SLC39A14: variants seen among roughly 807,000 people sequenced by gnomAD.
The protein encoded by SLC39A14 is metal cation symporter ZIP14.
SLC39A14 carries 19 observed loss-of-function variants against 45.5 expected under a neutral mutation model. The observed-to-expected ratio is 0.42, with a 90% confidence interval of 0.29 to 0.61. SLC39A14 has a LOEUF of 0.61. Ranked by LOEUF, SLC39A14 falls within the 20% of genes least tolerant of loss-of-function variation. The pLI is 0.22. For missense variants in SLC39A14, 447 were observed against 616.5 expected, an observed-to-expected ratio of 0.73 and a Z score of 2.91; for synonymous variants, 264 against 251.3, an observed-to-expected ratio of 1.05 and a Z score of -0.48.
chr8:22,374,481 C>T (rs35160235), intron 1 of SLC39A14, among the ~76,000 whole-genome samples: 4,787 of 152,076 alleles, frequency 0.031, 102 homozygotes, highest in Non-Finnish European at 0.044. Context: ...GACTGAGCCA[C>T]ATCTTGAAAG....
intron 7 of SLC39A14, 77 bp downstream of exon 7, chr8:22,416,357 C>T: frequency 3.4e-6 from 4 of 1,190,598 alleles, no homozygotes; most frequent in South Asian, 2.5e-5. Flanking sequence ...CGGTTCCTTG[C>T]TCCCATCTCC....
rs545570583 is a variant in SLC39A14 at position 22,412,548 on chromosome 8, C to T, written c.627+342C>T. ...CTGCTGCAGCACTGAGTGCCTGGTG[C>T]GGAAAGTGCTGTCTGATGTGGGGTG... is the stretch of plus-strand genomic sequence containing the variant. On this transcript the variant is annotated intron_variant, in intron 4 of 8. Coordinates refer to ENST00000381237, the MANE Select transcript of SLC39A14 (RefSeq NM_001128431.4). Among the ~76,000 whole-genome samples, 16 of 152,264 alleles carry T rather than the reference C, an allele frequency of 1.1e-4. No homozygotes were observed. In the East Asian group the frequency reaches 1.7e-3, roughly 17 times the overall value.
chr8:22,374,706 C>A (rs1367573431), intron 1 of SLC39A14, among the ~76,000 whole-genome samples: 1 of 150,648 alleles, frequency 6.6e-6, no homozygotes. Flanking sequence ...TTGCCAGCAG[C>A]CCTCTGTCTT....
Position 22,419,527 on chromosome 8 carries a change from G to GTGT in SLC39A14, c.1333-20_1333-18dup, listed in dbSNP as rs1305996831. ...ACAAGATGAAGAAGGAATTGCAGCT[G>GTGT]TGTTGTTTCTTGCTTCTTTCCCAGT... On this transcript the variant is annotated intron_variant, in intron 8 of 8. Coordinates refer to ENST00000381237, the MANE Select transcript of SLC39A14 (RefSeq NM_001128431.4). The GTGT allele has an allele frequency of 1.9e-6, 3 of 1,600,090 alleles. No homozygotes were observed. In the African/African-American group the frequency reaches 4.0e-5, roughly 21 times the overall value.
intron 7 of SLC39A14, 78 bp from the exon 8 acceptor site, chr8:22,417,573 G>C: frequency 1.6e-6 from 2 of 1,237,428 alleles, no homozygotes; most frequent in Non-Finnish European, 2.3e-6. Context: ...TGAGTAGCTG[G>C]GATGACAGGT....
intron 1 of SLC39A14, among the ~76,000 whole-genome samples, chr8:22,381,327 T>G (rs1430034477): frequency 6.8e-6 from 1 of 147,622 alleles, no homozygotes; most frequent in African/African-American, 2.5e-5. Context: ...CAGACTGGAG[T>G]GCGGTGGGGC....
chr8:22,403,338 GGC>G (rs1224848309), intron 1 of SLC39A14, among the ~76,000 whole-genome samples: 3 of 151,260 alleles, frequency 2.0e-5, no homozygotes, highest in African/African-American at 7.3e-5. Context: ...GGAGTGCAAT[GGC>G]GCGATCTTGG....
chr8:22,404,301 C>T (rs1240942995), intron 1 of SLC39A14, among the ~76,000 whole-genome samples: 2 of 151,718 alleles, frequency 1.3e-5, no homozygotes, highest in Non-Finnish European at 2.9e-5. Context: ...TGGCGGGCCC[C>T]TGTAATACCA....
At position 22,412,036 on chromosome 8, in the gene SLC39A14, G is replaced by T; in HGVS notation, c.458-1G>T. The T allele has an allele frequency of 6.4e-7, 1 of 1,550,490 alleles. No individual in the cohort carries two copies. Among genetic ancestry groups the T allele is most frequent in the Non-Finnish European group, 8.7e-7 (1 of 1,146,870 alleles). On this transcript the variant is annotated splice_acceptor_variant, in intron 3 of 8. Coordinates refer to ENST00000381237, the MANE Select transcript of SLC39A14 (RefSeq NM_001128431.4). LOFTEE classifies it high-confidence loss of function. The stretch of plus-strand genomic sequence containing the variant: ...GGGCTGGCCCTCCCTCCGCACGGCA[G>T]TGTGGGGATACGGTCTCCTCTGTGT...
chr8:22,385,137 C>T (rs1383067618), intron 1 of SLC39A14, among the ~76,000 whole-genome samples: 1 of 152,200 alleles, frequency 6.6e-6, no homozygotes, highest in East Asian at 1.9e-4. Context: ...AGGCCAGCTT[C>T]TCTGGCTCTC....
chr8:22,433,544 T>A (rs1411550429), intron 8 of SLC39A14, among the ~76,000 whole-genome samples: 1 of 146,026 alleles, frequency 6.8e-6, no homozygotes, highest in Non-Finnish European at 1.5e-5. Flanking sequence ...TTTATGCTTT[T>A]TTTTTTTTTT....
chr8:22,424,575 A>G (rs1047715525), downstream of SLC39A14, among the ~76,000 whole-genome samples: 6 of 152,098 alleles, frequency 3.9e-5, no homozygotes, highest in African/African-American at 1.4e-4. Context: ...TTCTGCCTAC[A>G]GTCCCTCCTG....
At chr8:22,403,866 C>G (rs894669425) in intron 1 of SLC39A14, among the ~76,000 whole-genome samples, 2 of 151,366 alleles carry the variant, frequency 1.3e-5, no homozygotes, top group Non-Finnish European at 2.9e-5. Flanking sequence ...TGCAGTGAGC[C>G]GAGATCGTGC....
Position 22,420,878 on chromosome 8 carries a change from G to A in SLC39A14, c.*1180G>A, listed in dbSNP as rs1457355401. 33 of 985,414 alleles carry A rather than the reference G, an allele frequency of 3.3e-5. No homozygotes were observed. The highest frequency in any genetic ancestry group is 1.4e-4 in the South Asian group (3 of 21,292). The allele number at this position is 985,414 out of a possible 1,614,324, so 61.0% of individuals were successfully genotyped here. On this transcript the variant is annotated 3_prime_UTR_variant, in exon 9 of 9. Coordinates refer to ENST00000381237, the MANE Select transcript of SLC39A14 (RefSeq NM_001128431.4). ...GCTACAGATGGGTTTTAAATGACCC[G>A]TCTAGGTTACTGCTTCCTTGCAAAA...
intron 2 of SLC39A14, among the ~76,000 whole-genome samples, chr8:22,407,166 C>G (rs1248843234): frequency 6.6e-6 from 1 of 152,124 alleles, no homozygotes. Flanking sequence ...TGAGGGCAGT[C>G]CTATGGTTGA....
Position 22,367,792 on chromosome 8 carries a change from T to G in SLC39A14, c.-16+384T>G, listed in dbSNP as rs1272722157. ...GGGGCGGCTCTATGGGGCTCTGGGG[T>G]CTGGACTTTGCTTTTCAGGAGCTGC... On this transcript the variant is annotated intron_variant, in intron 1 of 8. Transcript: ENST00000381237. The surrounding 1 kb of genome is among the most constrained non-coding windows in gnomAD (Gnocchi z 4.2). The G allele has an allele frequency of 6.5e-6, 1 of 152,942 alleles. No homozygotes were observed. Among genetic ancestry groups the G allele is most frequent in the Non-Finnish European group, 1.5e-5 (1 of 68,726 alleles). 9.5% of individuals were successfully genotyped at this position (152,942 alleles called of 1,614,324 possible). A position where few individuals can be genotyped will look rare whatever the true frequency, so the allele number is the denominator to read the frequency against.
chr8:22,416,266 TC>T lies in SLC39A14; in HGVS notation c.1136del (p.Pro379HisfsTer4). 6.2e-7 allele frequency: 1 copy of T among 1,613,006 alleles called. No individual in the cohort carries two copies. The highest frequency in any genetic ancestry group is 8.5e-7 in the Non-Finnish European group (1 of 1,179,988). On this transcript the variant is annotated frameshift_variant, in exon 7 of 9. Coordinates refer to ENST00000381237, the MANE Select transcript of SLC39A14 (RefSeq NM_001128431.4). LOFTEE classifies it high-confidence loss of function. ...STSVAILCEEFPHELGDFVIL... is the reference protein window; with the variant it reads ...STSVAILCEEXPHELGDFVIL... ...TCGGTGGCCATCCTCTGTGAGGAGT[TC>T]CCACATGAGCTAGGTAAGCGTGCGT...
intron 1 of SLC39A14, among the ~76,000 whole-genome samples, chr8:22,377,232 G>A (rs1008197238): frequency 6.6e-6 from 1 of 151,860 alleles, no homozygotes; most frequent in African/African-American, 2.4e-5. Flanking sequence ...CATTTTGGGA[G>A]CTCCTTCCGG....
downstream of SLC39A14, among the ~76,000 whole-genome samples, chr8:22,423,475 A>G (rs1836322936): frequency 6.6e-6 from 1 of 151,872 alleles, no homozygotes; most frequent in South Asian, 2.1e-4. Flanking sequence ...AGCTGGGACT[A>G]CAGGTGCCCG....
Sources: allele counts gnomAD v4.1 joint callset (sites outside exome capture counted in the v4.1 genomes callset), GRCh38; gene constraint gnomAD v4.1.1; non-coding constraint Gnocchi (gnomAD v3.1); transcripts MANE v1.5; gene names NCBI Gene and HGNC (gene_info 2026-07-23, HGNC 2026-07-21).